The following SLC47A1 variants were observed in gnomAD, a reference collection of about 807,000 sequenced individuals.
SLC47A1 encodes multidrug and toxin extrusion protein 1.
Under a neutral mutation model 65.8 loss-of-function variants are expected in SLC47A1, and 58 were observed. The observed-to-expected ratio is 0.88, with a 90% CI of 0.71 to 1.10. The LOEUF (loss-of-function observed/expected upper bound fraction) is 1.10, where lower values mean the gene tolerates loss of function less well. SLC47A1 is among the 50% of genes least tolerant of loss of function. SLC47A1 has a pLI of 0.00. For synonymous variants in SLC47A1, 285 were observed against 295.0 expected (o/e 0.97, Z 0.35); for missense variants, 706 against 719.2 (o/e 0.98, Z 0.21).
At chr17:19,539,965 T>G (rs187519453) in intron 1 of SLC47A1, among the ~76,000 whole-genome samples, 94 of 152,302 alleles carry the variant, frequency 6.2e-4, no homozygotes, top group East Asian at 3.9e-3. Context: ...ATGGGCTGAC[T>G]GCATGAGGCT....
rs1453335638 is a variant in SLC47A1 at position 19,542,798 on chromosome 17, T to G, written c.237+304T>G. On this transcript the variant is annotated intron_variant, in intron 2 of 16. Transcript: ENST00000270570. ...TTTTATTTTATTTTATTTTGTTGTT[T>G]TTTTTTTTTTTGAGATGAAGTCTCG... 7.7e-3 allele frequency among the ~76,000 whole-genome samples: 1,152 copies of G among 149,684 alleles called. 20 individuals are homozygous for G. Among genetic ancestry groups the G allele is most frequent in the African/African-American group, 0.026 (1,080 of 41,070 alleles).
At position 19,555,809 on chromosome 17, in the gene SLC47A1, G is replaced by A. The variant is rs1309089355; in HGVS notation, c.753G>A (p.Glu251=). The A allele has an allele frequency of 6.2e-7, 1 of 1,613,634 alleles. No homozygotes were observed. The highest frequency in any genetic ancestry group is 1.1e-5 in the South Asian group (1 of 91,080). The part of the protein sequence containing the change: ...HQATWGGWSL[E]CLQDWASFLR... ...TCCCCCCCACAGGCTGGTCCCTCGAGTGCCTGCAGGACTGGGCCTCCTTCC... is the reference window on the plus strand; with the variant it reads ...TCCCCCCCACAGGCTGGTCCCTCGAATGCCTGCAGGACTGGGCCTCCTTCC... The change falls in exon 9 of 17, where the codon GAG becomes GAA. Residue 251 remains glutamate, a synonymous_variant. Transcript: ENST00000270570.
intron 2 of SLC47A1, among the ~76,000 whole-genome samples, chr17:19,542,927 G>A (rs1047600989): frequency 1.2e-4 from 18 of 148,374 alleles, no homozygotes; most frequent in African/African-American, 4.5e-4. Flanking sequence ...GAGTAGCTGG[G>A]GTTACAGGCG....
rs895634071 is a variant in SLC47A1, at chr17:19,534,001, G to A, written c.62G>A (p.Arg21His). The A allele has an allele frequency of 7.1e-6, 11 of 1,544,978 alleles. No individual in the cohort carries two copies. Among genetic ancestry groups the A allele is most frequent in the Middle Eastern group, 2.0e-4 (1 of 5,030 alleles). The change falls in exon 1 of 17, where the codon CGT (arginine) becomes CAT (histidine). Residue 21 changes from arginine (R) to histidine (H), a missense_variant. Coordinates refer to ENST00000270570, the MANE Select transcript of SLC47A1 (RefSeq NM_018242.3). ...GGCCCGGAGGCCACCCTTGAGGTCC[G>A]TGGGTCGCGCTGCTTGCGGCTGTCC... The part of the protein sequence containing the change: ...RGGPEATLEV[R>H]GSRCLRLSAF...
Position 19,548,041 on chromosome 17 carries a change from C to T in SLC47A1, c.363C>T (p.Leu121=), listed in dbSNP as rs150187761. The change falls in exon 4 of 17, where the codon CTC becomes CTT. Residue 121 remains leucine, a synonymous_variant. Transcript: ENST00000270570. ...GCGTGATCCTGCAGCGGAGTGCGCT[C>T]GTCCTGCTCCTCTGCTGCTTCCCCT... ...HVGVILQRSA[L]VLLLCCFPCW... is the part of the protein sequence containing the mutation. The T allele has an allele frequency of 1.4e-5, 22 of 1,614,152 alleles. No homozygotes were observed. Among genetic ancestry groups the T allele is most frequent in the African/African-American group, 4.0e-5 (3 of 75,060 alleles).
At chr17:19,573,924 T>C (rs2084419319) in intron 16 of SLC47A1, among the ~76,000 whole-genome samples, 1 of 150,232 alleles carries the variant, frequency 6.7e-6, no homozygotes, top group South Asian at 2.1e-4. Context: ...TTCATGCTTT[T>C]TTTTTTTTTT....
chr17:19,572,834 G>C lies in SLC47A1; in HGVS notation c.1459G>C (p.Ala487Pro). The change falls in exon 16 of 17, where the codon GCT becomes CCT. Residue 487 changes from alanine (A) to proline (P), a missense_variant. Ala to Pro is a conservative substitution (Grantham distance 27, BLOSUM62 -1). Coordinates refer to ENST00000270570, the MANE Select transcript of SLC47A1 (RefSeq NM_018242.3). Reference protein sequence around the residue: ...VNNVPRSGNSALPQDPLHPGC... With the variant: ...VNNVPRSGNSPLPQDPLHPGC... The stretch of plus-strand genomic sequence containing the variant: ...CAACGTGCCTCGGAGTGGGAATTCT[G>C]CTCTCCCTCAGGATCCGCTTCACCC... The C allele has an allele frequency of 5.0e-6, 8 of 1,614,090 alleles. No individual in the cohort carries two copies. Among genetic ancestry groups the C allele is most frequent in the Non-Finnish European group, 6.8e-6 (8 of 1,180,016 alleles).
intron 4 of SLC47A1, 142 bp from the exon 5 acceptor site, chr17:19,549,493 C>G: frequency 1.2e-6 from 1 of 851,828 alleles, no homozygotes. Flanking sequence ...CGCGCCCGGC[C>G]TGCTCCAGCA....
intron 6 of SLC47A1, among the ~76,000 whole-genome samples, chr17:19,554,446 A>G (rs937267155): frequency 4.6e-5 from 7 of 152,154 alleles, no homozygotes; most frequent in African/African-American, 1.4e-4. Context: ...CTTTTTACTG[A>G]AATGATTTCA....
intron 1 of SLC47A1, among the ~76,000 whole-genome samples, chr17:19,539,009 G>A (rs2152311910): frequency 6.6e-6 from 1 of 152,094 alleles, no homozygotes; most frequent in African/African-American, 2.4e-5. Flanking sequence ...CTGAGCTCAA[G>A]TGATCCTTCC....
intron 2 of SLC47A1, among the ~76,000 whole-genome samples, chr17:19,542,735 G>A (rs941400877): frequency 6.6e-6 from 1 of 151,632 alleles, no homozygotes; most frequent in Non-Finnish European, 1.5e-5. Flanking sequence ...GGGGACATCT[G>A]GGGGGGCATT....
chr17:19,554,323 T>C (rs773157148), intron 6 of SLC47A1, among the ~76,000 whole-genome samples: 4 of 152,196 alleles, frequency 2.6e-5, no homozygotes, highest in African/African-American at 9.7e-5. Flanking sequence ...GGTGGACAGA[T>C]GTAAAATGCC....
intron 10 of SLC47A1, among the ~76,000 whole-genome samples, chr17:19,559,461 G>A (rs2084290136): frequency 6.6e-6 from 1 of 152,236 alleles, no homozygotes; most frequent in Admixed American, 6.5e-5. Flanking sequence ...GGTCGAGGCT[G>A]TAGTGAACTA....
chr17:19,555,887 T>G lies in SLC47A1; in HGVS notation c.831T>G (p.Tyr277Ter). ...TGCTGTGCATGGAGTGGTGGGCCTA[T>G]GAGGTCGGGAGCTTCCTCAGTGGTC... Reference protein sequence around the residue: ...MLMLCMEWWAYEVGSFLSGIL... With the variant: ...MLMLCMEWWA Residue 277 changes from tyrosine to a stop codon, truncating the protein, a stop_gained, in exon 9 of 17, where the codon TAT becomes TAG. Transcript: ENST00000270570. LOFTEE classifies it high-confidence loss of function. 6.2e-7 allele frequency: 1 copy of G among 1,614,022 alleles called. No individual in the cohort carries two copies. Among genetic ancestry groups the G allele is most frequent in the Non-Finnish European group, 8.5e-7 (1 of 1,180,016 alleles).
intron 1 of SLC47A1, 135 bp downstream of exon 1, chr17:19,534,209 C>A: frequency 8.3e-7 from 1 of 1,202,854 alleles, no homozygotes; most frequent in Non-Finnish European, 1.1e-6. Flanking sequence ...GAGCATCGTG[C>A]CAGGAGCCGG....
chr17:19,573,211 G>C (rs560396412), intron 16 of SLC47A1, among the ~76,000 whole-genome samples: 9 of 152,194 alleles, frequency 5.9e-5, no homozygotes, highest in Non-Finnish European at 1.0e-4. Context: ...GCAGACACTT[G>C]TGGGCTTTAA....
intron 5 of SLC47A1, among the ~76,000 whole-genome samples, chr17:19,550,933 C>T (rs1044452487): frequency 6.6e-6 from 1 of 152,186 alleles, no homozygotes; most frequent in Non-Finnish European, 1.5e-5. Context: ...TTAATCTCCC[C>T]TTGAGGACCT....
chr17:19,544,420 C>G (rs1916233249), intron 2 of SLC47A1, among the ~76,000 whole-genome samples: 1 of 152,242 alleles, frequency 6.6e-6, no homozygotes, highest in Non-Finnish European at 1.5e-5. Context: ...TTATCAAAGT[C>G]AGTGCTTCCA....
At chr17:19,567,329 G>C in intron 14 of SLC47A1, 101 bp downstream of exon 14, 1 of 1,528,154 alleles carries the variant, frequency 6.5e-7, no homozygotes, top group Non-Finnish European at 9.0e-7. Flanking sequence ...TCTGAAACTC[G>C]GGAGCTCGCC....
Sources: gnomAD v4.1 joint callset for allele counts (sites outside exome capture counted in the v4.1 genomes callset) on GRCh38, gnomAD v4.1.1 for gene constraint, MANE v1.5 for transcripts, NCBI Gene and HGNC (gene_info 2026-07-23, HGNC 2026-07-21) for gene names.